Variants in TTC29 observed in about 807,000 individuals in gnomAD.
TTC29 encodes the protein tetratricopeptide repeat protein 29.
In TTC29, 49 loss-of-function variants were observed where a neutral mutation model predicts 58.1. The observed-to-expected ratio is 0.84, with a 90% CI of 0.67 to 1.07. TTC29 has a LOEUF of 1.07. Among genes scored for constraint, TTC29 ranks in the 50% least tolerant of loss-of-function variants. The pLI is 0.00. For missense variants in TTC29, 582 were observed against 555.6 expected (o/e 1.05, Z -0.48); for synonymous variants, 209 against 196.8 (o/e 1.06, Z -0.52).
At chr4:146,836,476 T>G (rs962199585) in intron 8 of TTC29, among the ~76,000 whole-genome samples, 8 of 151,480 alleles carry the variant, frequency 5.3e-5, no homozygotes, top group African/African-American at 1.9e-4. Context: ...GAGAGAGGAG[T>G]GCATATAGGT....
At chr4:146,887,696 G>C (rs1345227128) in intron 6 of TTC29, among the ~76,000 whole-genome samples, 1 of 152,038 alleles carries the variant, frequency 6.6e-6, no homozygotes, top group Non-Finnish European at 1.5e-5. Flanking sequence ...TTAAACAATT[G>C]AGGACTATTT....
chr4:146,821,407 A>C (rs1337990622), intron 9 of TTC29, among the ~76,000 whole-genome samples: 1 of 152,162 alleles, frequency 6.6e-6, no homozygotes, highest in African/African-American at 2.4e-5. Flanking sequence ...ATTGTATAGC[A>C]TAAGAATTAT....
intron 11 of TTC29, among the ~76,000 whole-genome samples, chr4:146,788,022 AT>A (rs998212321): frequency 3.9e-5 from 6 of 151,922 alleles, no homozygotes; most frequent in Admixed American, 2.6e-4. Flanking sequence ...CTGTCAGTTT[AT>A]TTTATCTCAA....
intron 6 of TTC29, among the ~76,000 whole-genome samples, chr4:146,888,641 G>T (rs535098184): frequency 2.0e-5 from 3 of 152,250 alleles, no homozygotes; most frequent in Middle Eastern, 3.4e-3. Context: ...TGAAGGACTA[G>T]AATTTTTTTT....
chr4:146,881,709 G>A (rs1342933118), intron 6 of TTC29, among the ~76,000 whole-genome samples: 2 of 152,138 alleles, frequency 1.3e-5, no homozygotes, highest in East Asian at 3.9e-4. Context: ...AAATAGTTAA[G>A]GGCTTGCCAC....
At chr4:146,878,625 A>C (rs1731428012) in intron 6 of TTC29, among the ~76,000 whole-genome samples, 1 of 152,180 alleles carries the variant, frequency 6.6e-6, no homozygotes, top group African/African-American at 2.4e-5. Flanking sequence ...CAACAGATCG[A>C]GAGCCAGGAA....
intron 10 of TTC29, among the ~76,000 whole-genome samples, chr4:146,817,158 G>C (rs1055075462): frequency 1.3e-5 from 2 of 152,166 alleles, no homozygotes; most frequent in African/African-American, 4.8e-5. Flanking sequence ...GTTTGCAGAC[G>C]ACATGATTGT....
intron 11 of TTC29, among the ~76,000 whole-genome samples, chr4:146,726,671 A>G (rs143480181): frequency 6.6e-6 from 1 of 152,320 alleles, no homozygotes; most frequent in Non-Finnish European, 1.5e-5. Context: ...CTTTATGCAT[A>G]TTACTGATGA....
intron 11 of TTC29, among the ~76,000 whole-genome samples, chr4:146,760,353 C>T (rs907064067): frequency 6.6e-6 from 1 of 151,896 alleles, no homozygotes; most frequent in African/African-American, 2.4e-5. Context: ...GTGAAAATGA[C>T]CATAATGCCA....
chr4:146,818,001 A>T (rs959180256), intron 10 of TTC29, among the ~76,000 whole-genome samples: 5 of 152,200 alleles, frequency 3.3e-5, no homozygotes, highest in Non-Finnish European at 5.9e-5. Context: ...CCTAGGCATT[A>T]CCATTCAGGA....
intron 11 of TTC29, among the ~76,000 whole-genome samples, chr4:146,776,330 G>T (rs777363743): frequency 1.3e-5 from 2 of 152,116 alleles, no homozygotes; most frequent in Non-Finnish European, 2.9e-5. Context: ...TGGGGAACTA[G>T]TGGTAAGAAG....
rs187516627 is a variant in TTC29, at chr4:146,739,252, C to T, written c.1331-31701G>A. Among the ~76,000 whole-genome samples the T allele has an allele frequency of 6.6e-4, 100 of 152,206 alleles. 1 individual carries two copies. The East Asian group carries it at 0.018, about 28-fold the overall frequency. ...CAAAAATAGTAGCATGAATTGAATGCTATAGGAGATGATTTTCTGCCTTTA... is the reference window on the plus strand; with the variant it reads ...CAAAAATAGTAGCATGAATTGAATGTTATAGGAGATGATTTTCTGCCTTTA... On this transcript the variant is annotated intron_variant, in intron 11 of 12. Coordinates refer to ENST00000325106, the MANE Select transcript of TTC29 (RefSeq NM_031956.4).
chr4:146,788,748 T>C (rs774354280), intron 11 of TTC29, among the ~76,000 whole-genome samples: 8 of 152,040 alleles, frequency 5.3e-5, no homozygotes, highest in Admixed American at 2.6e-4. Context: ...ATATACCACT[T>C]AGAATTGTAA....
intron 11 of TTC29, 64 bp downstream of exon 11, chr4:146,803,393 T>C: frequency 8.6e-7 from 1 of 1,168,282 alleles, no homozygotes; most frequent in Non-Finnish European, 1.2e-6. Context: ...AACTTTCCAA[T>C]GAAAGTAAAT....
chr4:146,928,889 G>A (rs1735119442), intron 4 of TTC29, among the ~76,000 whole-genome samples: 1 of 152,040 alleles, frequency 6.6e-6, no homozygotes, highest in South Asian at 2.1e-4. Context: ...ATGAGCCAAA[G>A]GTTTCCTAGC....
At chr4:146,911,703 A>G (rs1000129693) in intron 4 of TTC29, among the ~76,000 whole-genome samples, 1 of 152,156 alleles carries the variant, frequency 6.6e-6, no homozygotes, top group Non-Finnish European at 1.5e-5. Context: ...CTACAGCTTC[A>G]GACATTAGGT....
chr4:146,717,333 C>T (rs1286069414), intron 11 of TTC29, among the ~76,000 whole-genome samples: 1 of 152,128 alleles, frequency 6.6e-6, no homozygotes, highest in African/African-American at 2.4e-5. Flanking sequence ...GGCTGAAGTA[C>T]AGCGGCACAA....
At chr4:146,712,110 T>C (rs1482824162) in intron 11 of TTC29, among the ~76,000 whole-genome samples, 1 of 152,110 alleles carries the variant, frequency 6.6e-6, no homozygotes, top group Non-Finnish European at 1.5e-5. Context: ...AATGAGAATA[T>C]CTGATTCAAG....
intron 8 of TTC29, among the ~76,000 whole-genome samples, chr4:146,862,843 C>G (rs968200781): frequency 1.3e-5 from 2 of 152,158 alleles, no homozygotes; most frequent in African/African-American, 4.8e-5. Flanking sequence ...TAAACCTGGG[C>G]CAGGCGTGGT....
Sources: gnomAD v4.1 joint callset for allele counts (sites outside exome capture counted in the v4.1 genomes callset) on GRCh38, gnomAD v4.1.1 for gene constraint, MANE v1.5 for transcripts, NCBI Gene and HGNC (gene_info 2026-07-23, HGNC 2026-07-21) for gene names.